WDR86: variants seen among roughly 807,000 people sequenced by gnomAD.
WDR86 encodes WD repeat domain 86, also known as WD repeat-containing protein 86.
In WDR86, 30 loss-of-function variants were observed where a neutral mutation model predicts 36.5. That is an observed-to-expected ratio of 0.82 (90% confidence interval 0.61 to 1.11). The LOEUF (loss-of-function observed/expected upper bound fraction) is 1.11, where lower values mean the gene tolerates loss of function less well. WDR86 is among the 50% of genes most tolerant of loss of function. WDR86 has a pLI of 0.00. For synonymous variants in WDR86, 255 were observed against 252.9 expected (o/e 1.01, Z -0.08); for missense variants, 545 against 561.2 (o/e 0.97, Z 0.29).
At chr7:151,397,799 A>AAG (rs76505026) in intron 2 of WDR86, among the ~76,000 whole-genome samples, 808 of 39,998 alleles carry the variant, frequency 0.02, 7 homozygotes, top group East Asian at 0.041. Context: ...TAGCGGGAGG[A>AAG]AGGGCATAGC....
chr7:151,402,064 A>ATATAT (rs1345021153), intron 1 of WDR86, among the ~76,000 whole-genome samples: 7 of 71,460 alleles, frequency 9.8e-5, no homozygotes, highest in Non-Finnish European at 1.4e-4. Context: ...AAAAAAAAAA[A>ATATAT]AAAAAAATAT....
chr7:151,380,370 A>C (rs1247480543), downstream of WDR86, among the ~76,000 whole-genome samples: 1 of 152,166 alleles, frequency 6.6e-6, no homozygotes, highest in Non-Finnish European at 1.5e-5. Context: ...TTCTGCATTA[A>C]GACTATGAAG....
In WDR86 at chr7:151,409,660, C is replaced by G. The variant is rs1235305961; in HGVS notation, c.-71G>C. On this transcript the variant is annotated 5_prime_UTR_variant, in exon 1 of 6. Coordinates refer to ENST00000334493, the MANE Select transcript of WDR86 (RefSeq NM_198285.3). This position sits in a 1 kb window ranked among gnomAD's most constrained non-coding sequence, Gnocchi z 5.2. ...GAGGGGCGCCCCGGGGTCCGCGCGG[C>G]GGCTCCGTACGACTGCGGCCCGCGG... 4.6e-6 allele frequency: 6 copies of G among 1,311,664 alleles called. No homozygotes were observed. Among genetic ancestry groups the G allele is most frequent in the Non-Finnish European group, 5.8e-6 (6 of 1,034,090 alleles). 81.3% of individuals were successfully genotyped at this position (1,311,664 alleles called of 1,614,324 possible). A position where few individuals can be genotyped will look rare whatever the true frequency, so the allele number is the denominator to read the frequency against.
rs1016401455 is a variant in WDR86, at chr7:151,409,717, C to G, written c.-128G>C. On this transcript the variant is annotated 5_prime_UTR_variant, in exon 1 of 6. Transcript: ENST00000334493. This position sits in a 1 kb window ranked among gnomAD's most constrained non-coding sequence, Gnocchi z 5.2. ...CGGGGAACGGGGAGCCCGACTCCTG[C>G]GGAGGCACGCGGCGAGGGGAGGGTG... 3.4e-5 allele frequency: 44 copies of G among 1,292,908 alleles called. No individual in the cohort carries two copies. The African/African-American group carries it at 3.9e-4, about 11-fold the overall frequency. 80.1% of individuals were successfully genotyped at this position (1,292,908 alleles called of 1,614,324 possible).
intron 3 of WDR86, among the ~76,000 whole-genome samples, chr7:151,385,460 A>G (rs1798906246): frequency 6.6e-6 from 1 of 152,052 alleles, no homozygotes; most frequent in African/African-American, 2.4e-5. Flanking sequence ...CCAGCCCCAC[A>G]CTGCCCTGGG....
chr7:151,402,462 C>G (rs1563065247), intron 1 of WDR86, among the ~76,000 whole-genome samples: 1 of 152,178 alleles, frequency 6.6e-6, no homozygotes, highest in African/African-American at 2.4e-5. Flanking sequence ...GAAGGGAAGA[C>G]AGTCAAGGGC....
In WDR86 at chr7:151,405,721, C is replaced by T. The variant is rs146800367; in HGVS notation, c.163+3706G>A. 9.2e-5 allele frequency among the ~76,000 whole-genome samples: 14 copies of T among 152,300 alleles called. No homozygotes were observed. In the East Asian group the frequency reaches 1.9e-3, roughly 21 times the overall value. ...GCTGTGGCTCTTGTCACCAGCGTGC[C>T]GCAGGCCTCCTTCAGCCCAGTCTTC... On this transcript the variant is annotated intron_variant, in intron 1 of 5. Coordinates refer to ENST00000334493, the MANE Select transcript of WDR86 (RefSeq NM_198285.3). The surrounding 1 kb of genome is among the most constrained non-coding windows in gnomAD (Gnocchi z 4.7).
intron 2 of WDR86, among the ~76,000 whole-genome samples, chr7:151,398,517 A>C (rs760148014): frequency 1.4e-5 from 2 of 147,630 alleles, no homozygotes; most frequent in Non-Finnish European, 3.0e-5. Flanking sequence ...TGTATGTGTA[A>C]GTTTGTGTAT....
At position 151,405,658 on chromosome 7, in the gene WDR86, G is replaced by T. The variant is rs944366357; in HGVS notation, c.163+3769C>A. Among the ~76,000 whole-genome samples the T allele has an allele frequency of 6.6e-6, 1 of 152,140 alleles. No homozygotes were observed. On this transcript the variant is annotated intron_variant, in intron 1 of 5. Transcript: ENST00000334493. This position sits in a 1 kb window ranked among gnomAD's most constrained non-coding sequence, Gnocchi z 4.7. The stretch of plus-strand genomic sequence containing the variant: ...GCAGCTTGGCTTTCTGGACTTCTCC[G>T]GTGGGAGCGGTCAGTTGCCCCCAAG...
chr7:151,409,793 G>A lies in WDR86; in HGVS notation c.-204C>T. On this transcript the variant is annotated 5_prime_UTR_variant, in exon 1 of 6. Transcript: ENST00000334493. This position sits in a 1 kb window ranked among gnomAD's most constrained non-coding sequence, Gnocchi z 5.2. ...CAGCCTCTGGGCCCGCGAACCCAGG[G>A]CGCTGCGGGGGGCGGCCCACTCGGG... 1.6e-6 allele frequency: 2 copies of A among 1,266,812 alleles called. No individual in the cohort carries two copies. The highest frequency in any genetic ancestry group is 2.0e-6 in the Non-Finnish European group (2 of 1,010,038). The allele number at this position is 1,266,812 out of a possible 1,614,324, so 78.5% of individuals were successfully genotyped here. A position where few individuals can be genotyped will look rare whatever the true frequency, so the allele number is the denominator to read the frequency against.
rs1386052566 is a variant in WDR86, at chr7:151,406,360, C to T, written c.163+3067G>A. Among the ~76,000 whole-genome samples, 1 of 152,204 alleles carries T rather than the reference C, an allele frequency of 6.6e-6. No individual in the cohort carries two copies. Among genetic ancestry groups the T allele is most frequent in the African/African-American group, 2.4e-5 (1 of 41,444 alleles). On this transcript the variant is annotated intron_variant, in intron 1 of 5. Transcript: ENST00000334493. This position sits in a 1 kb window ranked among gnomAD's most constrained non-coding sequence, Gnocchi z 4.4. Reference sequence around the variant, plus strand: ...GGAAAGCCTGCGGTCCCTGATTGCCCCTGCTGCCATGAACAGAGCCAGAGG... The same window carrying T: ...GGAAAGCCTGCGGTCCCTGATTGCCTCTGCTGCCATGAACAGAGCCAGAGG...
downstream of WDR86, chr7:151,374,451 C>T (rs1156912694): frequency 1.5e-6 from 1 of 658,450 alleles, no homozygotes; most frequent in South Asian, 1.8e-5. Flanking sequence ...TTGGCCCAGG[C>T]CTGGCTCCAA....
chr7:151,372,259 T>C (rs1273708251), downstream of WDR86, among the ~76,000 whole-genome samples: 2 of 152,270 alleles, frequency 1.3e-5, no homozygotes, highest in Admixed American at 6.5e-5. Context: ...GTCATTGATT[T>C]GATCTACTTT....
In WDR86 at chr7:151,390,565, A is replaced by G. The variant is rs75557591; in HGVS notation, c.726+5211T>C. Among the ~76,000 whole-genome samples, 168 of 152,380 alleles carry G rather than the reference A, an allele frequency of 1.1e-3. No homozygotes were observed. Among genetic ancestry groups the G allele is most frequent in the African/African-American group, 3.9e-3 (164 of 41,600 alleles). On this transcript the variant is annotated intron_variant, in intron 3 of 5. Transcript: ENST00000334493. This position sits in a 1 kb window ranked among gnomAD's most constrained non-coding sequence, Gnocchi z 4.5. The stretch of plus-strand genomic sequence containing the variant: ...CATCCGCAGTCCCACTGGCAGGCAT[A>G]TACCCGAGAACTGAAGGCAGGATGC...
At chr7:151,398,659 C>T (rs543726041) in intron 2 of WDR86, among the ~76,000 whole-genome samples, 83 of 148,744 alleles carry the variant, frequency 5.6e-4, no homozygotes, top group African/African-American at 1.9e-3. Flanking sequence ...TGTGTATGCA[C>T]GTGTATATGT....
At chr7:151,373,628 G>C (rs943221547), downstream of WDR86, among the ~76,000 whole-genome samples, 2 of 152,206 alleles carry the variant, frequency 1.3e-5, no homozygotes, top group African/African-American at 4.8e-5. Context: ...CATTGCCCAG[G>C]AGCCCCTGAT....
intron 3 of WDR86, among the ~76,000 whole-genome samples, chr7:151,391,211 G>C (rs570406881): frequency 6.6e-6 from 1 of 152,348 alleles, no homozygotes; most frequent in South Asian, 2.1e-4. Context: ...AGCCACCTGC[G>C]GGGGCGGGGC....
At chr7:151,381,121 C>G (rs548384351), downstream of WDR86, 1 of 1,220,620 alleles carries the variant, frequency 8.2e-7, no homozygotes, top group African/African-American at 1.6e-5. The surrounding 1 kb of genome is among the most constrained non-coding windows in gnomAD (Gnocchi z 4.8). Context: ...GACACAGGAG[C>G]ACTTTTAACG....
rs755033789 is a variant in WDR86, at chr7:151,400,200, C to CCGG, written c.204_205insCCG (p.Glu68_Ala69insPro). The CCGG allele has an allele frequency of 6.2e-7, 1 of 1,611,206 alleles. No individual in the cohort carries two copies. The highest frequency in any genetic ancestry group is 8.5e-7 in the Non-Finnish European group (1 of 1,178,696). ...CAGTCGGCGCTGCATGTGAAGGCAG[C>CCGG]CTCATCCTCCAGCTGGCAGAAGGTC... is the stretch of plus-strand genomic sequence containing the variant. On this transcript the variant is annotated inframe_insertion, in exon 2 of 6. Coordinates refer to ENST00000334493, the MANE Select transcript of WDR86 (RefSeq NM_198285.3).
Sources: gnomAD v4.1 joint callset for allele counts (sites outside exome capture counted in the v4.1 genomes callset) on GRCh38, gnomAD v4.1.1 for gene constraint, Gnocchi (gnomAD v3.1) non-coding constraint, MANE v1.5 for transcripts, NCBI Gene and HGNC (gene_info 2026-07-23, HGNC 2026-07-21) for gene names.